TTLL5: variants seen among roughly 807,000 people sequenced by gnomAD.
TTLL5 encodes the protein tubulin polyglutamylase TTLL5.
Under a neutral mutation model 168.4 loss-of-function variants are expected in TTLL5, and 132 were observed. The ratio of observed to expected loss-of-function variants is 0.78; its 90% CI spans 0.68 to 0.91. TTLL5 has a LOEUF of 0.91. Among genes scored for constraint, TTLL5 ranks in the 40% least tolerant of loss-of-function variants. The pLI is 0.00. For synonymous variants in TTLL5, 546 were observed against 558.6 expected, an observed-to-expected ratio of 0.98 and a Z score of 0.32; for missense variants, 1,545 against 1,581.5, an observed-to-expected ratio of 0.98 and a Z score of 0.39.
chr14:75,948,074 C>T (rs745321084), intron 31 of TTLL5, among the ~76,000 whole-genome samples: 4 of 152,090 alleles, frequency 2.6e-5, no homozygotes, highest in Admixed American at 1.3e-4. Flanking sequence ...GCAGAAACTA[C>T]GTAGTAGGCC....
At chr14:75,763,216 TA>T (rs1164648989) in intron 18 of TTLL5, among the ~76,000 whole-genome samples, 1 of 151,722 alleles carries the variant, frequency 6.6e-6, no homozygotes, top group Non-Finnish European at 1.5e-5. Flanking sequence ...TTTTCTTTAT[TA>T]TTGAATTGGC....
intron 30 of TTLL5, among the ~76,000 whole-genome samples, chr14:75,898,513 A>G (rs932709331): frequency 4.6e-5 from 7 of 152,068 alleles, no homozygotes; most frequent in Admixed American, 1.3e-4. Flanking sequence ...CTGGTACCAC[A>G]CGCCTGTAGT....
At chr14:75,705,017 G>A (rs1245805160) in intron 7 of TTLL5, among the ~76,000 whole-genome samples, 3 of 152,246 alleles carry the variant, frequency 2.0e-5, no homozygotes, top group African/African-American at 4.8e-5. Context: ...GTTCTACTCA[G>A]TAGGAAGAGA....
chr14:75,918,746 A>G (rs1198865008), intron 31 of TTLL5, among the ~76,000 whole-genome samples: 2 of 152,214 alleles, frequency 1.3e-5, no homozygotes, highest in Non-Finnish European at 1.5e-5. Context: ...TCAGCTGAAT[A>G]ATGACTATGT....
chr14:75,809,020 T>C (rs545470391), intron 27 of TTLL5, among the ~76,000 whole-genome samples: 1 of 152,014 alleles, frequency 6.6e-6, no homozygotes, highest in East Asian at 1.9e-4. Context: ...CAGAGAACAT[T>C]ATTTTCAAAT....
chr14:75,755,027 G>A (rs1309329275), intron 18 of TTLL5, among the ~76,000 whole-genome samples: 1 of 152,122 alleles, frequency 6.6e-6, no homozygotes, highest in Admixed American at 6.6e-5. Flanking sequence ...CACTTTGGGA[G>A]GCTGAGGTGG....
chr14:75,808,508 T>G (rs986276927), intron 27 of TTLL5, among the ~76,000 whole-genome samples: 1 of 152,204 alleles, frequency 6.6e-6, no homozygotes, highest in Non-Finnish European at 1.5e-5. Flanking sequence ...CTGTTTAAGA[T>G]AGTTCTTTTC....
chr14:75,947,022 G>A (rs1021077558), intron 31 of TTLL5, among the ~76,000 whole-genome samples: 7 of 152,168 alleles, frequency 4.6e-5, no homozygotes, highest in Non-Finnish European at 8.8e-5. Flanking sequence ...AGATGACAAG[G>A]GGCCAGATCA....
At chr14:75,767,679 T>G (rs1247523164) in intron 20 of TTLL5, among the ~76,000 whole-genome samples, 1 of 152,206 alleles carries the variant, frequency 6.6e-6, no homozygotes, top group Non-Finnish European at 1.5e-5. Context: ...GAGCCTAAGC[T>G]TTATTTTCTA....
chr14:75,683,580 A>G lies in TTLL5; in HGVS notation c.295A>G (p.Met99Val), dbSNP rs1884795692. 1.2e-6 allele frequency: 2 copies of G among 1,613,816 alleles called. No individual in the cohort carries two copies. The highest frequency in any genetic ancestry group is 1.1e-5 in the South Asian group (1 of 91,082). Reference protein sequence around the residue: ...VHPSSTDYNLMWTGSHLKPFL... With the variant: ...VHPSSTDYNLVWTGSHLKPFL... ...CCCAAGCAGCACTGACTATAACCTA[A>G]TGTGGACAGGATCCCACCTGAAGCC... The change falls in exon 5 of 32, where the codon ATG (methionine) becomes GTG (valine). Residue 99 changes from methionine (M) to valine (V), a missense_variant. Transcript: ENST00000298832.
At chr14:75,839,265 T>A (rs1391994266) in intron 28 of TTLL5, among the ~76,000 whole-genome samples, 1 of 152,190 alleles carries the variant, frequency 6.6e-6, no homozygotes, top group Admixed American at 6.5e-5. Flanking sequence ...AGTAATTCTA[T>A]TTTTAAGTTT....
chr14:75,725,722 A>T lies in TTLL5; in HGVS notation c.1042+5019A>T, dbSNP rs1036522544. Among the ~76,000 whole-genome samples the T allele has an allele frequency of 5.9e-5, 9 of 152,170 alleles. 1 individual carries two copies. In the South Asian group the frequency reaches 1.9e-3, roughly 31 times the overall value. Reference sequence around the variant, plus strand: ...GCTCTCCCGTAACTAGATACTCAGGAAAAATGATATCATCCTTTCTAGCAG... The same window carrying T: ...GCTCTCCCGTAACTAGATACTCAGGTAAAATGATATCATCCTTTCTAGCAG... On this transcript the variant is annotated intron_variant, in intron 12 of 31. Coordinates refer to ENST00000298832, the MANE Select transcript of TTLL5 (RefSeq NM_015072.5).
intron 3 of TTLL5, among the ~76,000 whole-genome samples, chr14:75,673,290 T>C (rs760608392): frequency 1.2e-4 from 18 of 152,332 alleles, no homozygotes; most frequent in African/African-American, 4.1e-4. Context: ...ATTCCAACTT[T>C]TGCTTTCTCT....
intron 27 of TTLL5, among the ~76,000 whole-genome samples, chr14:75,799,150 G>A (rs1893147856): frequency 6.6e-6 from 1 of 152,114 alleles, no homozygotes; most frequent in Non-Finnish European, 1.5e-5. Context: ...GAGCTCCAGT[G>A]TTAGGCGCAT....
Position 75,704,265 on chromosome 14 carries a change from G to A in TTLL5, c.586-2753G>A, listed in dbSNP as rs143654805. Among the ~76,000 whole-genome samples, 251 of 152,288 alleles carry A rather than the reference G, an allele frequency of 1.6e-3. 4 individuals carry two copies. Among genetic ancestry groups the A allele is most frequent in the African/African-American group, 5.6e-3 (234 of 41,564 alleles). ...TAGAAAGATACCTTTCCAGCCAGGC[G>A]CAGTGGCTCATGCCTGTAATCCCAG... On this transcript the variant is annotated intron_variant, in intron 7 of 31. Coordinates refer to ENST00000298832, the MANE Select transcript of TTLL5 (RefSeq NM_015072.5).
In TTLL5 at chr14:75,917,125, C is replaced by T. The variant is rs112955761; in HGVS notation, c.3823+14901C>T. Among the ~76,000 whole-genome samples, 934 of 152,202 alleles carry T rather than the reference C, an allele frequency of 6.1e-3. 9 individuals are homozygous for T. Among genetic ancestry groups the T allele is most frequent in the African/African-American group, 0.022 (894 of 41,510 alleles). On this transcript the variant is annotated intron_variant, in intron 31 of 31. Transcript: ENST00000298832. ...GCTGAATGATGGGATGGTCGTGCAGCGTGAATGCACTTAATGCCACTGAAC... is the reference window on the plus strand; with the variant it reads ...GCTGAATGATGGGATGGTCGTGCAGTGTGAATGCACTTAATGCCACTGAAC...
chr14:75,832,635 A>G (rs1043955448), intron 28 of TTLL5, among the ~76,000 whole-genome samples: 3 of 152,210 alleles, frequency 2.0e-5, no homozygotes, highest in Admixed American at 2.0e-4. Flanking sequence ...TAAACTGTAA[A>G]GTATTACACA....
At chr14:75,790,597 T>G (rs2140346265) in intron 26 of TTLL5, among the ~76,000 whole-genome samples, 1 of 151,684 alleles carries the variant, frequency 6.6e-6, no homozygotes, top group East Asian at 2.0e-4. Flanking sequence ...CTCAGCCTCC[T>G]GAGTAACTGG....
At chr14:75,796,765 A>G (rs1322229234) in intron 27 of TTLL5, among the ~76,000 whole-genome samples, 1 of 151,908 alleles carries the variant, frequency 6.6e-6, no homozygotes, top group Non-Finnish European at 1.5e-5. Context: ...TGGGTTTTCT[A>G]TTCTGTTCTA....
Sources: gnomAD v4.1 joint callset for allele counts (sites outside exome capture counted in the v4.1 genomes callset) on GRCh38, gnomAD v4.1.1 for gene constraint, MANE v1.5 for transcripts, NCBI Gene and HGNC (gene_info 2026-07-23, HGNC 2026-07-21) for gene names.